PLSCR5: variants seen among roughly 807,000 people sequenced by gnomAD.
PLSCR5 encodes the protein phospholipid scramblase family member 5.
A neutral mutation model predicts 33.6 loss-of-function variants in PLSCR5; 44 were observed. The observed-to-expected ratio is 1.31, with a 90% confidence interval of 1.03 to 1.69. PLSCR5 has a LOEUF of 1.69. Among genes scored for constraint, PLSCR5 ranks in the 40% most tolerant of loss-of-function variants. The probability of loss-of-function intolerance (pLI) is 0.00; values close to 1 mark genes in which losing one functional copy is unlikely to be tolerated. For synonymous variants in PLSCR5, 148 were observed against 112.3 expected (o/e 1.32, Z -2.01); for missense variants, 375 against 318.7 (o/e 1.18, Z -1.34).
Position 146,589,671 on chromosome 3 carries a change from G to T in PLSCR5, c.759C>A (p.Ile253=). 2 of 1,590,286 alleles carry T rather than the reference G, an allele frequency of 1.3e-6. No individual in the cohort carries two copies. The highest frequency in any genetic ancestry group is 1.7e-6 in the Non-Finnish European group (2 of 1,164,790). Residue 253 remains isoleucine (I), a synonymous_variant, in exon 6 of 8, where the codon ATC becomes ATA. Coordinates refer to ENST00000443512, the MANE Select transcript of PLSCR5 (RefSeq NM_001085420.2). The part of the protein sequence containing the change: ...DLDVTVKAAM[I]GACFLFDFMF... ...TACTTACAAAGAGAAAACAGGCACC[G>T]ATCATTGCTGCTTTGACTGTTACAT...
At chr3:146,590,933 A>T (rs1486555688) in intron 5 of PLSCR5, among the ~76,000 whole-genome samples, 3 of 151,918 alleles carry the variant, frequency 2.0e-5, no homozygotes, top group African/African-American at 7.2e-5. Context: ...CTACAGATCA[A>T]ATTTACAACT....
chr3:146,590,690 C>T (rs890590044), intron 5 of PLSCR5, among the ~76,000 whole-genome samples: 9 of 152,056 alleles, frequency 5.9e-5, no homozygotes, highest in African/African-American at 1.7e-4. Flanking sequence ...TCATATTACT[C>T]GTAGGAAAGT....
chr3:146,598,717 A>G (rs927715975), intron 2 of PLSCR5, among the ~76,000 whole-genome samples: 2 of 152,206 alleles, frequency 1.3e-5, no homozygotes, highest in African/African-American at 4.8e-5. Flanking sequence ...CTTGTCTGAC[A>G]ACATTCCCAA....
At chr3:146,577,181 C>A (rs2044604191) in intron 7 of PLSCR5, among the ~76,000 whole-genome samples, 1 of 151,942 alleles carries the variant, frequency 6.6e-6, no homozygotes, top group Non-Finnish European at 1.5e-5. Flanking sequence ...TGCTTCTGAC[C>A]CCTGACCTTA....
At chr3:146,595,818 C>T (rs1205630486) in intron 2 of PLSCR5, among the ~76,000 whole-genome samples, 1 of 152,110 alleles carries the variant, frequency 6.6e-6, no homozygotes, top group Non-Finnish European at 1.5e-5. Flanking sequence ...CTGGCCTCTC[C>T]TCTTAACCTC....
At chr3:146,587,670 C>A (rs2044676720) in intron 6 of PLSCR5, among the ~76,000 whole-genome samples, 1 of 151,842 alleles carries the variant, frequency 6.6e-6, no homozygotes, top group Non-Finnish European at 1.5e-5. Context: ...AGGCAACAGG[C>A]AAGGTGGACT....
At chr3:146,602,044 G>A (rs2044820954) in intron 1 of PLSCR5, among the ~76,000 whole-genome samples, 1 of 152,080 alleles carries the variant, frequency 6.6e-6, no homozygotes, top group African/African-American at 2.4e-5. Flanking sequence ...TTTATGGTTA[G>A]GACCAAATGG....
chr3:146,577,766 T>C (rs758373869), intron 7 of PLSCR5, among the ~76,000 whole-genome samples: 23 of 152,174 alleles, frequency 1.5e-4, no homozygotes, highest in Non-Finnish European at 3.2e-4. Context: ...TGATGTGTTT[T>C]ATTTCCCAGA....
rs76171543 is a variant in PLSCR5 at position 146,603,216 on chromosome 3, G to T, written c.13+1984C>A. 9.9e-4 allele frequency among the ~76,000 whole-genome samples: 151 copies of T among 152,162 alleles called. No individual in the cohort carries two copies. In the East Asian group the frequency reaches 0.021, roughly 22 times the overall value. On this transcript the variant is annotated intron_variant, in intron 1 of 7. Transcript: ENST00000443512. The stretch of plus-strand genomic sequence containing the variant: ...TGTACAATTAGTCTGCATTCCCTGG[G>T]AAAATGCTAATTGCCAATATAGTTA...
downstream of PLSCR5, among the ~76,000 whole-genome samples, chr3:146,584,947 G>A (rs2044656720): frequency 6.6e-6 from 1 of 152,102 alleles, no homozygotes; most frequent in Non-Finnish European, 1.5e-5. Context: ...GCATAAAACT[G>A]TAGGTGGTAT....
chr3:146,600,853 G>T (rs558999983), intron 1 of PLSCR5, among the ~76,000 whole-genome samples: 2 of 147,312 alleles, frequency 1.4e-5, no homozygotes, highest in Non-Finnish European at 1.5e-5. Context: ...AGTAATTATC[G>T]GTTACTTTAT....
In PLSCR5 at chr3:146,594,490, G is replaced by A. The variant is rs192464329; in HGVS notation, c.233-350C>T. ...TATAGAACTATTGGGACAACTCATG[G>A]TGATAATAGTGATTTTGTCTAAAAT... On this transcript the variant is annotated intron_variant, in intron 3 of 7. Coordinates refer to ENST00000443512, the MANE Select transcript of PLSCR5 (RefSeq NM_001085420.2). Among the ~76,000 whole-genome samples the A allele has an allele frequency of 1.1e-3, 162 of 152,150 alleles. 1 individual carries two copies. In the Middle Eastern group the frequency reaches 0.011, roughly 10 times the overall value.
At chr3:146,577,493 G>C (rs1231575087) in intron 7 of PLSCR5, among the ~76,000 whole-genome samples, 1 of 152,146 alleles carries the variant, frequency 6.6e-6, no homozygotes, top group Non-Finnish European at 1.5e-5. Flanking sequence ...TAGAAAATCA[G>C]AGTTGGGACT....
At chr3:146,597,552 C>T (rs1232518927) in intron 2 of PLSCR5, among the ~76,000 whole-genome samples, 1 of 152,100 alleles carries the variant, frequency 6.6e-6, no homozygotes, top group African/African-American at 2.4e-5. Flanking sequence ...TTGATTTGCT[C>T]TCTCTGTGAA....
Position 146,594,024 on chromosome 3 carries a change from G to A in PLSCR5, c.349C>T (p.Arg117Ter), listed in dbSNP as rs371042953. ...TCTGTGATCCTCAGGGTGCAAGATC[G>A]CAGAGTGGAACAGAAAGTACGATTG... ...CFNRTFCSTLRSCTLRITDNS... is the reference protein window; with the variant it reads ...CFNRTFCSTL The change falls in exon 4 of 8, where the codon CGA becomes TGA. Residue 117 changes from arginine (R) to a stop codon, truncating the protein, a stop_gained. Transcript: ENST00000443512. LOFTEE classifies it high-confidence loss of function. 12 of 1,613,640 alleles carry A rather than the reference G, an allele frequency of 7.4e-6. No homozygotes were observed. The African/African-American group carries it at 1.3e-4, about 18-fold the overall frequency.
intron 2 of PLSCR5, 150 bp downstream of exon 2, chr3:146,600,138 A>G: frequency 3.9e-6 from 2 of 510,632 alleles, no homozygotes; most frequent in Middle Eastern, 6.0e-4. Flanking sequence ...AAATAAAGTT[A>G]ATATTTTATA....
rs1465626653 is a variant in PLSCR5, at chr3:146,588,481, AC to A, written c.777+1171del. 9.9e-5 allele frequency among the ~76,000 whole-genome samples: 15 copies of A among 152,240 alleles called. 1 individual carries two copies. Among genetic ancestry groups the A allele is most frequent in the African/African-American group, 3.6e-4 (15 of 41,548 alleles). ...GTGAGACTCTATCTCAAAAAATAGA[AC>A]AAAAAATAAAACAAAAACAAAAATG... On this transcript the variant is annotated intron_variant, in intron 6 of 7. Coordinates refer to ENST00000443512, the MANE Select transcript of PLSCR5 (RefSeq NM_001085420.2).
At chr3:146,597,910 G>T (rs751380043) in intron 2 of PLSCR5, among the ~76,000 whole-genome samples, 1 of 151,984 alleles carries the variant, frequency 6.6e-6, no homozygotes, top group African/African-American at 2.4e-5. Context: ...TACATGTTTT[G>T]TAGACTTTAA....
intron 7 of PLSCR5, among the ~76,000 whole-genome samples, chr3:146,579,864 T>G (rs2044622110): frequency 6.6e-6 from 1 of 152,232 alleles, no homozygotes; most frequent in South Asian, 2.1e-4. Context: ...GAGTCTGACC[T>G]CATTAAGCAC....
Sources: allele counts gnomAD v4.1 joint callset (sites outside exome capture counted in the v4.1 genomes callset), GRCh38; gene constraint gnomAD v4.1.1; transcripts MANE v1.5; gene names NCBI Gene and HGNC (gene_info 2026-07-23, HGNC 2026-07-21).